The following FOCAD variants were observed in gnomAD, a reference collection of about 807,000 sequenced individuals.
FOCAD encodes KIAA1797.
In FOCAD, 198 loss-of-function variants were observed where a neutral mutation model predicts 225.6. That is an observed-to-expected ratio of 0.88 (90% CI 0.78 to 0.99). The LOEUF (loss-of-function observed/expected upper bound fraction) is 0.99, where lower values mean the gene tolerates loss of function less well. FOCAD is among the 50% of genes least tolerant of loss of function. The pLI, the probability that FOCAD is intolerant of heterozygous loss-of-function variation, is 0.00. For missense variants in FOCAD, 2,713 were observed against 2,123.6 expected (o/e 1.28, Z -5.46); for synonymous variants, 897 against 755.0 (o/e 1.19, Z -3.08).
At chr9:20,945,335 G>T (rs1837070452) in intron 29 of FOCAD, among the ~76,000 whole-genome samples, 1 of 152,184 alleles carries the variant, frequency 6.6e-6, no homozygotes, top group African/African-American at 2.4e-5. Context: ...CATGTGTCAT[G>T]CCTGTCTCTA....
chr9:20,973,668 T>C (rs1281273381), intron 35 of FOCAD, among the ~76,000 whole-genome samples: 3 of 148,514 alleles, frequency 2.0e-5, no homozygotes, highest in Non-Finnish European at 3.0e-5. Context: ...GCTTCTCATT[T>C]CTGCTGCTGT....
chr9:20,985,643 C>T (rs930972326), intron 39 of FOCAD, among the ~76,000 whole-genome samples: 1 of 152,142 alleles, frequency 6.6e-6, no homozygotes, highest in Non-Finnish European at 1.5e-5. Flanking sequence ...TGGCTTGAGA[C>T]CACCATCATA....
chr9:20,860,904 C>G (rs949249825), intron 15 of FOCAD, among the ~76,000 whole-genome samples: 4 of 152,214 alleles, frequency 2.6e-5, no homozygotes, highest in African/African-American at 4.8e-5. Flanking sequence ...TTGGTTCCAA[C>G]TGCTTTGATA....
Position 20,781,174 on chromosome 9 carries a change from G to GT in FOCAD, c.995-552dup. 2.0e-5 allele frequency among the ~76,000 whole-genome samples: 3 copies of GT among 152,326 alleles called. No individual in the cohort carries two copies. In the South Asian group the frequency reaches 6.2e-4, roughly 32 times the overall value. On this transcript the variant is annotated intron_variant, in intron 9 of 43. Transcript: ENST00000338382. Reference sequence around the variant, plus strand: ...TTGTATAACTGTATGTATCTGGTGTGTAAGTTGTTTCCATGTTAAAGAACC... The same window carrying GT: ...TTGTATAACTGTATGTATCTGGTGTGTTAAGTTGTTTCCATGTTAAAGAACC...
intron 1 of FOCAD, among the ~76,000 whole-genome samples, chr9:20,698,927 A>T (rs1253646891): frequency 2.6e-5 from 4 of 152,196 alleles, no homozygotes; most frequent in Admixed American, 2.0e-4. Context: ...AACTTGAAGG[A>T]TGTATGCCAC....
intron 5 of FOCAD, among the ~76,000 whole-genome samples, chr9:20,755,726 G>T (rs558372680): frequency 6.6e-6 from 1 of 152,140 alleles, no homozygotes; most frequent in African/African-American, 2.4e-5. Flanking sequence ...TAGCGATATG[G>T]TTCTTATCAG....
At chr9:20,828,411 T>C (rs1330394962) in intron 15 of FOCAD, among the ~76,000 whole-genome samples, 2 of 152,120 alleles carry the variant, frequency 1.3e-5, no homozygotes, top group Non-Finnish European at 2.9e-5. Flanking sequence ...TACAAGTTTT[T>C]GTGTGTATAC....
At chr9:20,981,351 G>A in intron 37 of FOCAD, 75 bp from the exon 38 acceptor site, 1 of 1,495,602 alleles carries the variant, frequency 6.7e-7, no homozygotes, top group Non-Finnish European at 9.2e-7. Context: ...CAAACACAGT[G>A]ATGATGTACA....
intron 15 of FOCAD, among the ~76,000 whole-genome samples, chr9:20,824,105 G>A (rs545700391): frequency 1.3e-5 from 2 of 152,182 alleles, no homozygotes; most frequent in Non-Finnish European, 2.9e-5. Flanking sequence ...TTCACATCCT[G>A]TGCCCAATAT....
intron 38 of FOCAD, among the ~76,000 whole-genome samples, chr9:20,982,043 T>C (rs999900331): frequency 1.3e-5 from 2 of 152,160 alleles, no homozygotes; most frequent in Admixed American, 1.3e-4. Flanking sequence ...TATAAAACAA[T>C]TTAGCATCGC....
At chr9:20,947,610 C>T (rs1037438188) in intron 30 of FOCAD, among the ~76,000 whole-genome samples, 6 of 151,748 alleles carry the variant, frequency 4.0e-5, no homozygotes, top group East Asian at 3.9e-4. Context: ...TACTTAATGC[C>T]GCTGAACTGG....
intron 42 of FOCAD, among the ~76,000 whole-genome samples, chr9:20,990,775 G>C (rs1463390778): frequency 6.6e-6 from 1 of 152,180 alleles, no homozygotes; most frequent in East Asian, 1.9e-4. Context: ...ATGAGCAAGG[G>C]AAGGAGTTGA....
chr9:20,867,620 G>A (rs1829403056), intron 18 of FOCAD, among the ~76,000 whole-genome samples: 1 of 152,000 alleles, frequency 6.6e-6, no homozygotes, highest in African/African-American at 2.4e-5. Context: ...TCTAGTATCT[G>A]CCTATTATAA....
chr9:20,983,727 G>C (rs555603646), intron 39 of FOCAD, among the ~76,000 whole-genome samples: 1 of 152,096 alleles, frequency 6.6e-6, no homozygotes, highest in Non-Finnish European at 1.5e-5. Flanking sequence ...CTAGCAATGC[G>C]ATCTTGGTTA....
intron 19 of FOCAD, among the ~76,000 whole-genome samples, chr9:20,880,626 T>C (rs527629658): frequency 1.1e-4 from 17 of 152,274 alleles, no homozygotes; most frequent in African/African-American, 4.1e-4. Context: ...TTTTGAGCTT[T>C]GAATGGAGAA....
intron 39 of FOCAD, among the ~76,000 whole-genome samples, chr9:20,984,181 G>A (rs977768738): frequency 6.6e-6 from 1 of 152,208 alleles, no homozygotes; most frequent in African/African-American, 2.4e-5. Context: ...GACTCCCTCA[G>A]TTCTGTTTCT....
At chr9:20,796,395 C>A (rs956911131) in intron 11 of FOCAD, among the ~76,000 whole-genome samples, 2 of 152,210 alleles carry the variant, frequency 1.3e-5, no homozygotes, top group African/African-American at 4.8e-5. Flanking sequence ...AGCACACTGA[C>A]TTCCACAATG....
At chr9:20,719,121 G>A (rs867673209) in intron 3 of FOCAD, among the ~76,000 whole-genome samples, 8 of 151,916 alleles carry the variant, frequency 5.3e-5, no homozygotes, top group Middle Eastern at 3.4e-3. Flanking sequence ...TGGCTCTGTC[G>A]CCCAGCCTGG....
chr9:20,937,554 C>T (rs934202924), intron 28 of FOCAD, among the ~76,000 whole-genome samples: 20 of 152,022 alleles, frequency 1.3e-4, no homozygotes, highest in South Asian at 2.1e-4. Flanking sequence ...GGATCCCTTC[C>T]TTACACCTTA....
Sources: gnomAD v4.1 joint callset for allele counts (sites outside exome capture counted in the v4.1 genomes callset) on GRCh38, gnomAD v4.1.1 for gene constraint, MANE v1.5 for transcripts, NCBI Gene and HGNC (gene_info 2026-07-23, HGNC 2026-07-21) for gene names.